Variants in YIPF6 observed in about 807,000 individuals in gnomAD.
YIPF6 encodes the protein Yip1 domain family member 6.
A neutral mutation model predicts 16.8 loss-of-function variants in YIPF6; 3 were observed. That is an observed-to-expected ratio of 0.18 (90% CI 0.08 to 0.46). The LOEUF (loss-of-function observed/expected upper bound fraction) is 0.46, where lower values mean the gene tolerates loss of function less well. Ranked by LOEUF, YIPF6 falls within the 20% of genes least tolerant of loss-of-function variation. The pLI is 0.98. For missense variants in YIPF6, 145 were observed against 184.9 expected (o/e 0.78, Z 1.25); for synonymous variants, 67 against 61.9 (o/e 1.08, Z -0.38).
intron 6 of YIPF6, among the ~76,000 whole-genome samples, chrX:68,527,387 G>A (rs762044159): frequency 1.8e-5 from 2 of 110,982 alleles, no homozygotes; most frequent in Non-Finnish European, 3.8e-5. Context: ...AGTCTGGCTA[G>A]CGGTCTATTT....
intron 3 of YIPF6, 24 bp downstream of exon 3, chrX:68,513,429 G>C: frequency 8.9e-7 from 1 of 1,121,461 alleles, no homozygotes; most frequent in Non-Finnish European, 1.2e-6. Flanking sequence ...GTTTTTAAGG[G>C]TTTGCTTAAT....
At chrX:68,506,186 A>G (rs1433704078) in intron 1 of YIPF6, among the ~76,000 whole-genome samples, 1 of 110,629 alleles carries the variant, frequency 9.0e-6, no homozygotes, top group East Asian at 2.8e-4. Context: ...TATCATACAT[A>G]ACAAAACTAA....
At chrX:68,514,425 T>C (rs1004507326) in intron 3 of YIPF6, 2 of 111,392 alleles carry the variant, frequency 1.8e-5, no homozygotes, top group African/African-American at 3.3e-5. Context: ...TGTTAGTTTT[T>C]TGAGATGGAG....
intron 1 of YIPF6, 25 bp downstream of exon 1, chrX:68,499,148 G>A (rs765985754): frequency 3.9e-5 from 45 of 1,166,842 alleles, no homozygotes; most frequent in Non-Finnish European, 5.0e-5. Flanking sequence ...TGCGACAAAA[G>A]GGACCGAGGG....
chrX:68,521,607 T>C, intron 5 of YIPF6, 110 bp downstream of exon 5: 1 of 840,141 alleles, frequency 1.2e-6, no homozygotes, highest in Non-Finnish European at 1.7e-6. Context: ...AGGGTGTCAC[T>C]CTGTCACCCA....
At chrX:68,529,029 C>G (rs1197170157) in intron 6 of YIPF6, among the ~76,000 whole-genome samples, 2 of 111,144 alleles carry the variant, frequency 1.8e-5, no homozygotes, top group Non-Finnish European at 3.8e-5. Context: ...GGCCTGCCTT[C>G]CTAGGTTGGG....
chrX:68,499,246 C>T (rs1449438866), intron 1 of YIPF6, 123 bp downstream of exon 1: 1 of 914,232 alleles, frequency 1.1e-6, no homozygotes, highest in Non-Finnish European at 1.5e-6. Flanking sequence ...CCTTCTTGTA[C>T]CCGATGCCAG....
At chrX:68,511,711 T>C in intron 1 of YIPF6, 138 bp from the exon 2 acceptor site, 1 of 601,608 alleles carries the variant, frequency 1.7e-6, no homozygotes. Context: ...CATTGTGTAA[T>C]GTCTGTTGAG....
intron 6 of YIPF6, 108 bp downstream of exon 6, chrX:68,523,025 A>AT: frequency 1.1e-6 from 1 of 951,751 alleles, no homozygotes; most frequent in East Asian, 3.2e-5. Context: ...GAGTGATATG[A>AT]TTCTTGATAG....
At chrX:68,509,800 C>T (rs2079073316) in intron 1 of YIPF6, among the ~76,000 whole-genome samples, 1 of 111,436 alleles carries the variant, frequency 9.0e-6, no homozygotes, top group African/African-American at 3.3e-5. Flanking sequence ...CTGAAGGCAA[C>T]TTGTTTTTGT....
chrX:68,525,174 G>A (rs1317681633), intron 6 of YIPF6, among the ~76,000 whole-genome samples: 1 of 112,057 alleles, frequency 8.9e-6, no homozygotes, highest in African/African-American at 3.2e-5. Flanking sequence ...TTTAATGATA[G>A]CCATTCTAAC....
chrX:68,510,095 G>T (rs930303808), intron 1 of YIPF6, among the ~76,000 whole-genome samples: 1 of 111,557 alleles, frequency 9.0e-6, no homozygotes, highest in Non-Finnish European at 1.9e-5. Context: ...CAGGCTACTT[G>T]GTCTCCCTAC....
At chrX:68,500,205 C>T (rs766716321) in intron 1 of YIPF6, among the ~76,000 whole-genome samples, 1 of 112,342 alleles carries the variant, frequency 8.9e-6, no homozygotes, top group South Asian at 3.7e-4. Context: ...ACTATCAGTA[C>T]CATGAACTGA....
chrX:68,528,180 T>C (rs1397615548), intron 6 of YIPF6, among the ~76,000 whole-genome samples: 1 of 111,611 alleles, frequency 9.0e-6, no homozygotes, highest in Non-Finnish European at 1.9e-5. Flanking sequence ...ATTGGGTGCA[T>C]ATATATTTAG....
At chrX:68,527,370 CTTT>C (rs1249270848) in intron 6 of YIPF6, among the ~76,000 whole-genome samples, 1 of 111,198 alleles carries the variant, frequency 9.0e-6, no homozygotes, top group East Asian at 2.8e-4. Context: ...CTCTTTTCTT[CTTT>C]ATTAGTCTGG....
At chrX:68,515,995 C>T (rs752430696) in intron 3 of YIPF6, among the ~76,000 whole-genome samples, 11 of 110,983 alleles carry the variant, frequency 9.9e-5, no homozygotes, top group African/African-American at 3.6e-4. Context: ...TGGTGGCAGG[C>T]GCCTGTAGTC....
rs772083472 is a variant in YIPF6 at position 68,500,904 on chromosome X, TAGTG to T, written c.57+1784_57+1787del. Among the ~76,000 whole-genome samples the T allele has an allele frequency of 9.6e-4, 107 of 111,962 alleles. 1 individual carries two copies. The highest frequency in any genetic ancestry group is 3.8e-4 in the Non-Finnish European group (20 of 53,216). On this transcript the variant is annotated intron_variant, in intron 1 of 6. Transcript: ENST00000462683. ...TGGTGATAGGAACACATCACTGAAT[TAGTG>T]AGAGTACTAAATGAGATAATATATA...
intron 5 of YIPF6, among the ~76,000 whole-genome samples, 198 bp downstream of exon 5, chrX:68,521,695 C>T (rs754820924): frequency 3.7e-5 from 4 of 108,644 alleles, no homozygotes; most frequent in Non-Finnish European, 5.7e-5. Flanking sequence ...AGCTGGGATC[C>T]TCCTGCCCCA....
At chrX:68,520,887 G>T (rs1287520445) in intron 4 of YIPF6, among the ~76,000 whole-genome samples, 2 of 111,609 alleles carry the variant, frequency 1.8e-5, no homozygotes, top group African/African-American at 6.5e-5. Context: ...GTGACTGTAA[G>T]CCCCTTGTAC....
Sources: gnomAD v4.1 joint callset for allele counts (sites outside exome capture counted in the v4.1 genomes callset) on GRCh38, gnomAD v4.1.1 for gene constraint, MANE v1.5 for transcripts, NCBI Gene and HGNC (gene_info 2026-07-23, HGNC 2026-07-21) for gene names.